PRELID2: variants seen among roughly 807,000 people sequenced by gnomAD.
The protein encoded by PRELID2 is PRELI domain containing 2.
A neutral mutation model predicts 28.4 loss-of-function variants in PRELID2; 25 were observed. The ratio of observed to expected loss-of-function variants is 0.88; its 90% confidence interval spans 0.64 to 1.23. The LOEUF is 1.23. Ranked by LOEUF, PRELID2 falls within the 50% of genes most tolerant of loss-of-function variation. The pLI is 0.00. For synonymous variants in PRELID2, 76 were observed against 71.6 expected, an observed-to-expected ratio of 1.06 and a Z score of -0.31; for missense variants, 201 against 214.4, an observed-to-expected ratio of 0.94 and a Z score of 0.39.
chr5:145,685,632 T>A (rs1322254626), intron 1 of PRELID2, among the ~76,000 whole-genome samples: 2 of 152,006 alleles, frequency 1.3e-5, no homozygotes, highest in African/African-American at 4.8e-5. Flanking sequence ...ACATTGTCTA[T>A]GAGTGTAGAG....
chr5:145,616,745 A>G (rs1753703862), intron 1 of PRELID2, among the ~76,000 whole-genome samples: 1 of 152,236 alleles, frequency 6.6e-6, no homozygotes, highest in Non-Finnish European at 1.5e-5. Context: ...AATTAAAATT[A>G]CAATGAAGTT....
the PRELID2 span, among the ~76,000 whole-genome samples, chr5:145,361,766 G>T: frequency 3.9e-4 from 60 of 152,246 alleles, 1 homozygote; most frequent in African/African-American, 1.4e-3. Context: ...CTAGCCTTCT[G>T]TGAGCTCTGG....
the PRELID2 span, among the ~76,000 whole-genome samples, chr5:145,367,683 C>T: frequency 2.2e-4 from 33 of 151,974 alleles, no homozygotes; most frequent in South Asian, 2.3e-3. Context: ...TTTTCCATAA[C>T]GTCAAGTAAT....
intron 1 of PRELID2, among the ~76,000 whole-genome samples, chr5:145,741,855 T>G (rs1361205998): frequency 1.2e-4 from 4 of 32,444 alleles, no homozygotes; most frequent in Non-Finnish European, 2.6e-4. Context: ...AAAACATTTT[T>G]ATAATTTAAT....
chr5:145,334,562 T>C, the PRELID2 span, among the ~76,000 whole-genome samples: 1 of 152,202 alleles, frequency 6.6e-6, no homozygotes, highest in Non-Finnish European at 1.5e-5. Flanking sequence ...AGTATGACTA[T>C]ATACTTGTAT....
At chr5:145,366,634 T>A in the PRELID2 span, among the ~76,000 whole-genome samples, 2 of 151,906 alleles carry the variant, frequency 1.3e-5, no homozygotes, top group South Asian at 4.1e-4. Flanking sequence ...TTTTTCCACA[T>A]AGCTTTTACT....
the PRELID2 span, among the ~76,000 whole-genome samples, chr5:145,265,101 G>T: frequency 6.6e-6 from 1 of 150,618 alleles, no homozygotes; most frequent in African/African-American, 2.4e-5. Context: ...AATTAACTCA[G>T]CAAAATTTCA....
intron 1 of PRELID2, among the ~76,000 whole-genome samples, chr5:145,573,523 C>T (rs1208862317): frequency 6.6e-6 from 1 of 152,046 alleles, no homozygotes; most frequent in East Asian, 1.9e-4. Flanking sequence ...AACAGGCCCC[C>T]ATGTGCGATG....
chr5:145,773,052 C>T (rs964040149), intron 5 of PRELID2, among the ~76,000 whole-genome samples: 1 of 152,106 alleles, frequency 6.6e-6, no homozygotes, highest in African/African-American at 2.4e-5. Flanking sequence ...TAAACTGATA[C>T]AATAATTCAG....
chr5:145,479,534 C>T (rs1327812188), intron 1 of PRELID2, among the ~76,000 whole-genome samples: 5 of 152,138 alleles, frequency 3.3e-5, no homozygotes, highest in African/African-American at 9.7e-5. Context: ...TGTGTTATTA[C>T]CATTCACTTA....
chr5:145,770,653 T>A (rs1056114751), intron 5 of PRELID2, among the ~76,000 whole-genome samples: 3 of 152,182 alleles, frequency 2.0e-5, no homozygotes, highest in Non-Finnish European at 4.4e-5. Flanking sequence ...TGAAAGACAA[T>A]GAGATTGATG....
intron 1 of PRELID2, among the ~76,000 whole-genome samples, chr5:145,537,870 A>G (rs1385511560): frequency 6.6e-6 from 1 of 151,578 alleles, no homozygotes; most frequent in Non-Finnish European, 1.5e-5. Flanking sequence ...ATTTTTTCTT[A>G]GTTGTCTATG....
At chr5:145,712,812 AT>A (rs774067882) in intron 1 of PRELID2, among the ~76,000 whole-genome samples, 17 of 152,152 alleles carry the variant, frequency 1.1e-4, no homozygotes, top group Non-Finnish European at 2.1e-4. Flanking sequence ...ACAGTGGGCT[AT>A]TTCAGCAGAG....
chr5:145,557,545 C>G (rs780555032), intron 1 of PRELID2, among the ~76,000 whole-genome samples: 1 of 152,128 alleles, frequency 6.6e-6, no homozygotes, highest in Non-Finnish European at 1.5e-5. Context: ...AGTGAATGAC[C>G]TGGGTTGTCA....
chr5:145,796,418 G>A, intron 5 of PRELID2, 24 bp downstream of exon 5: 2 of 1,489,294 alleles, frequency 1.3e-6, no homozygotes, highest in Non-Finnish European at 1.9e-6. Context: ...AATTAATGTT[G>A]GTTCAAAGCA....
chr5:145,570,437 G>C (rs368039066), intron 1 of PRELID2, among the ~76,000 whole-genome samples: 12 of 152,060 alleles, frequency 7.9e-5, no homozygotes, highest in African/African-American at 2.9e-4. Context: ...AAATTTGCAG[G>C]AGTAGTTTTT....
At chr5:145,487,256 C>G (rs959517321) in intron 1 of PRELID2, among the ~76,000 whole-genome samples, 2 of 148,592 alleles carry the variant, frequency 1.3e-5, no homozygotes, top group African/African-American at 2.4e-5. Flanking sequence ...AAAAAAAAGA[C>G]TAAGTCGTCA....
At chr5:145,703,554 C>A (rs1287362479) in intron 1 of PRELID2, among the ~76,000 whole-genome samples, 2 of 152,196 alleles carry the variant, frequency 1.3e-5, no homozygotes, top group South Asian at 4.1e-4. Context: ...GTCTTGGGAT[C>A]CCTTTCATTG....
In PRELID2 at chr5:145,514,062, C is replaced by T. The variant is rs577431530; in HGVS notation, n.71-40747G>A. 3.3e-5 allele frequency among the ~76,000 whole-genome samples: 5 copies of T among 152,164 alleles called. No individual in the cohort carries two copies. The East Asian group carries it at 9.6e-4, about 29-fold the overall frequency. On this transcript the variant is annotated intron_variant and non_coding_transcript_variant, in intron 1 of 2. Coordinates refer to the PRELID2 transcript ENST00000510259. The stretch of plus-strand genomic sequence containing the variant: ...AAACATACCAAATTGTAAAGACCAT[C>T]GACACTATGAAGAAACTGCATGAAC...
Sources: gnomAD v4.1 joint callset for allele counts (sites outside exome capture counted in the v4.1 genomes callset) on GRCh38, gnomAD v4.1.1 for gene constraint, MANE v1.5 for transcripts, NCBI Gene and HGNC (gene_info 2026-07-23, HGNC 2026-07-21) for gene names.